Variants in CCDC136 observed in about 807,000 individuals in gnomAD.
CCDC136 encodes the protein coiled-coil domain-containing protein 136.
Under a neutral mutation model 141.2 loss-of-function variants are expected in CCDC136, and 100 were observed. The observed-to-expected ratio is 0.71, with a 90% CI of 0.60 to 0.84. The LOEUF is 0.84. Among genes scored for constraint, CCDC136 ranks in the 40% least tolerant of loss-of-function variants. The probability of loss-of-function intolerance (pLI) is 0.00; values close to 1 mark genes in which losing one functional copy is unlikely to be tolerated. For missense variants in CCDC136, 1,206 were observed against 1,379.4 expected, an observed-to-expected ratio of 0.87 and a Z score of 1.99; for synonymous variants, 474 against 531.9, an observed-to-expected ratio of 0.89 and a Z score of 1.50.
rs574070118 is a variant in CCDC136 at position 128,806,673 on chromosome 7, C to T, written c.1249-15C>T. 4 of 1,604,662 alleles carry T rather than the reference C, an allele frequency of 2.5e-6. No homozygotes were observed. The East Asian group carries it at 6.7e-5, about 27-fold the overall frequency. On this transcript the variant is annotated splice_polypyrimidine_tract_variant and intron_variant, in intron 8 of 17. Coordinates refer to ENST00000297788, the MANE Select transcript of CCDC136 (RefSeq NM_022742.5). Reference sequence around the variant, plus strand: ...AGGAGCCCAAAGGCACTGCCCAAAGCCCCCTCTACCATAGGAGTTACTGTG... The same window carrying T: ...AGGAGCCCAAAGGCACTGCCCAAAGTCCCCTCTACCATAGGAGTTACTGTG...
At chr7:128,791,248 G>A (rs914830392), upstream of CCDC136, among the ~76,000 whole-genome samples, 1 of 151,684 alleles carries the variant, frequency 6.6e-6, no homozygotes, top group South Asian at 2.1e-4. This position sits in a 1 kb window ranked among gnomAD's most constrained non-coding sequence, Gnocchi z 7.1. Context: ...CTCTCTAGGG[G>A]AGAGCCTTGG....
intron 1 of CCDC136, among the ~76,000 whole-genome samples, chr7:128,793,124 A>G (rs1226737057): frequency 6.6e-6 from 1 of 152,270 alleles, no homozygotes; most frequent in Non-Finnish European, 1.5e-5. Flanking sequence ...CTGATATTAG[A>G]TAAAGTAAGA....
Position 128,796,739 on chromosome 7 carries a change from A to ATATATATTTTTT in CCDC136, c.346+1972_346+1973insATATATTTTTTT. 5.3e-5 allele frequency among the ~76,000 whole-genome samples: 6 copies of ATATATATTTTTT among 113,382 alleles called. No individual in the cohort carries two copies. The East Asian group carries it at 1.4e-3, about 27-fold the overall frequency. The allele number at this position is 113,382 out of a possible 152,430, so 74.4% of individuals were successfully genotyped here. A position where few individuals can be genotyped will look rare whatever the true frequency, so the allele number is the denominator to read the frequency against. ...TGATTCAGAATATATATATATATAT[A>ATATATATTTTTT]TTCTTTTTTTTTTTTTTTTTGAGAC... On this transcript the variant is annotated intron_variant, in intron 3 of 17. Coordinates refer to ENST00000297788, the MANE Select transcript of CCDC136 (RefSeq NM_022742.5).
Position 128,792,420 on chromosome 7 carries a change from T to A in CCDC136, c.9T>A (p.Ala3=). 6.2e-7 allele frequency: 1 copy of A among 1,608,464 alleles called. No individual in the cohort carries two copies. The highest frequency in any genetic ancestry group is 1.7e-5 in the Admixed American group (1 of 59,140). MQ[A]MEGEVLLPAL... ...CCCTGGAACGACGGGGGATGCAAGC[T>A]ATGGAGGGTGAGTTTTCCCAAAAGG... The change falls in exon 1 of 18, where the codon GCT becomes GCA. Residue 3 remains alanine, a synonymous_variant. Transcript: ENST00000297788.
Position 128,814,744 on chromosome 7 carries a change from T to A in CCDC136, c.2870T>A (p.Leu957Gln). 1 of 1,613,662 alleles carries A rather than the reference T, an allele frequency of 6.2e-7. No homozygotes were observed. The highest frequency in any genetic ancestry group is 8.5e-7 in the Non-Finnish European group (1 of 1,179,734). The change falls in exon 15 of 18, where the codon CTG (leucine) becomes CAG (glutamine). Residue 957 changes from leucine to glutamine, a missense_variant. Coordinates refer to ENST00000297788, the MANE Select transcript of CCDC136 (RefSeq NM_022742.5). ...GTGCAGGAGCAGCTGGAGGGGCAGC[T>A]GCAGTGCTGCCAGGAGGAGCTCCGC... is the stretch of plus-strand genomic sequence containing the variant. The part of the protein sequence containing the change: ...LVVQEQLEGQ[L>Q]QCCQEELRQL...
rs1806313287 is a variant in CCDC136 at position 128,814,704 on chromosome 7, G to A, written c.2830G>A (p.Gly944Arg). Residue 944 changes from glycine to arginine, a missense_variant, in exon 15 of 18, where the codon GGG becomes AGG. Coordinates refer to ENST00000297788, the MANE Select transcript of CCDC136 (RefSeq NM_022742.5). ...LQYQASMDEQ[G>R]RLLVVQEQLE... ...ATACCAGGCTAGCATGGATGAGCAGGGGCGGCTTCTGGTAGTGCAGGAGCA... is the reference window on the plus strand; with the variant it reads ...ATACCAGGCTAGCATGGATGAGCAGAGGCGGCTTCTGGTAGTGCAGGAGCA... 5 of 1,613,438 alleles carry A rather than the reference G, an allele frequency of 3.1e-6. No individual in the cohort carries two copies. Among genetic ancestry groups the A allele is most frequent in the South Asian group, 2.2e-5 (2 of 90,962 alleles).
chr7:128,795,563 C>T lies in CCDC136; in HGVS notation c.346+795C>T, dbSNP rs79883690. Among the ~76,000 whole-genome samples the T allele has an allele frequency of 2.9e-3, 446 of 151,830 alleles. 2 individuals are homozygous for T. Among genetic ancestry groups the T allele is most frequent in the African/African-American group, 0.01 (420 of 41,358 alleles). On this transcript the variant is annotated intron_variant, in intron 3 of 17. Coordinates refer to ENST00000297788, the MANE Select transcript of CCDC136 (RefSeq NM_022742.5). ...AAGTGGGGAGGAGAGGAGACGGGGACAGAAAATGTAAGCAAAGGTAGATAC... is the reference window on the plus strand; with the variant it reads ...AAGTGGGGAGGAGAGGAGACGGGGATAGAAAATGTAAGCAAAGGTAGATAC...
At chr7:128,813,004 G>C in intron 14 of CCDC136, 75 bp downstream of exon 14, 1 of 965,716 alleles carries the variant, frequency 1.0e-6, no homozygotes, top group South Asian at 1.4e-5. Flanking sequence ...CTTCATAGAG[G>C]CTAAAGAGAG....
At chr7:128,793,127 A>G (rs1004017146) in intron 1 of CCDC136, among the ~76,000 whole-genome samples, 6 of 152,232 alleles carry the variant, frequency 3.9e-5, no homozygotes, top group Non-Finnish European at 7.3e-5. Flanking sequence ...ATATTAGATA[A>G]AGTAAGACCA....
chr7:128,793,960 T>C (rs1562899523), intron 1 of CCDC136, among the ~76,000 whole-genome samples: 1 of 152,184 alleles, frequency 6.6e-6, no homozygotes, highest in Non-Finnish European at 1.5e-5. Context: ...ACTGTAACTG[T>C]TACCCCATTT....
chr7:128,812,660 G>A (rs1279016213), intron 13 of CCDC136, 48 bp from the exon 14 acceptor site: 2 of 1,446,794 alleles, frequency 1.4e-6, no homozygotes, highest in Non-Finnish European at 1.9e-6. Context: ...GTAGGGCGGA[G>A]CTTAGGTGCT....
At chr7:128,812,650 G>A in intron 13 of CCDC136, 58 bp from the exon 14 acceptor site, 1 of 1,352,784 alleles carries the variant, frequency 7.4e-7, no homozygotes, top group Admixed American at 1.9e-5. Context: ...GCCCAGCAGA[G>A]TAGGGCGGAG....
Position 128,793,049 on chromosome 7 carries a change from T to C in CCDC136, c.16+622T>C, listed in dbSNP as rs555651660. Among the ~76,000 whole-genome samples, 8 of 152,366 alleles carry C rather than the reference T, an allele frequency of 5.3e-5. No individual in the cohort carries two copies. In the South Asian group the frequency reaches 6.2e-4, roughly 12 times the overall value. On this transcript the variant is annotated intron_variant, in intron 1 of 17. Coordinates refer to ENST00000297788, the MANE Select transcript of CCDC136 (RefSeq NM_022742.5). ...AGTGTTGCACGTTGCACATTCAGTA[T>C]GGGCAAACCTGCTCCCCCTAAGGGG... is the stretch of plus-strand genomic sequence containing the variant.
rs1212757176 is a variant in CCDC136 at position 128,817,846 on chromosome 7, A to G, written c.3452A>G (p.Glu1151Gly). ...ISALLWCWWA[E>G]TSS ...GCTTTGCTCTGGTGCTGGTGGGCTG[A>G]GACGTCGTCCTAATGCAGGTACTGG... Residue 1151 changes from glutamate to glycine, a missense_variant, in exon 17 of 18, where the codon GAG becomes GGG. Transcript: ENST00000297788. The surrounding 1 kb of genome is among the most constrained non-coding windows in gnomAD (Gnocchi z 4.6). 6.2e-7 allele frequency: 1 copy of G among 1,613,458 alleles called. No individual in the cohort carries two copies. The highest frequency in any genetic ancestry group is 8.5e-7 in the Non-Finnish European group (1 of 1,179,628).
Position 128,821,978 on chromosome 7 carries a change from C to G in CCDC136, c.*185C>G. The G allele has an allele frequency of 7.8e-7, 1 of 1,284,578 alleles. No individual in the cohort carries two copies. The highest frequency in any genetic ancestry group is 1.0e-6 in the Non-Finnish European group (1 of 986,082). The allele number at this position is 1,284,578 out of a possible 1,614,324, so 79.6% of individuals were successfully genotyped here. On this transcript the variant is annotated 3_prime_UTR_variant, in exon 18 of 18. Transcript: ENST00000297788. The surrounding 1 kb of genome is among the most constrained non-coding windows in gnomAD (Gnocchi z 5.1). Reference sequence around the variant, plus strand: ...CACCCTCAGCTTTGGGCAGGACACACTGTGCCAGAACCCTCCCCATATGTT... The same window carrying G: ...CACCCTCAGCTTTGGGCAGGACACAGTGTGCCAGAACCCTCCCCATATGTT...
chr7:128,796,739 ATTCT>A (rs1485159297), intron 3 of CCDC136, among the ~76,000 whole-genome samples: 22 of 113,374 alleles, frequency 1.9e-4, no homozygotes, highest in African/African-American at 8.7e-4. Flanking sequence ...ATATATATAT[ATTCT>A]TTTTTTTTTT....
At position 128,814,939 on chromosome 7, in the gene CCDC136, G is replaced by A. The variant is rs770211657; in HGVS notation, c.3045+20G>A. 3.3e-5 allele frequency: 51 copies of A among 1,542,308 alleles called. No homozygotes were observed. In the East Asian group the frequency reaches 1.1e-3, roughly 33 times the overall value. ...AGAAAGGTGAGTAGTAACCTTGGTA[G>A]CCAGATAAGCAGAAAGGAGGAGGAG... is the stretch of plus-strand genomic sequence containing the variant. On this transcript the variant is annotated intron_variant, in intron 15 of 17. Transcript: ENST00000297788.
rs780212669 is a variant in CCDC136 at position 128,812,233 on chromosome 7, C to T, written c.2462C>T (p.Thr821Ile). ...SITYKKSYGS[T>I]SSSDTCQKSF... ...ACCTATAAGAAGAGTTACGGCAGCA[C>T]CAGTAGCTCTGACACCTGCCAGAAG... Residue 821 changes from threonine to isoleucine, a missense_variant, in exon 13 of 18, where the codon ACC (threonine) becomes ATC (isoleucine). Transcript: ENST00000297788. The T allele has an allele frequency of 8.7e-6, 14 of 1,613,742 alleles. No homozygotes were observed. In the South Asian group the frequency reaches 1.4e-4, roughly 16 times the overall value.
At position 128,794,415 on chromosome 7, in the gene CCDC136, A is replaced by G; in HGVS notation, c.84A>G (p.Glu28=). 1.9e-6 allele frequency: 3 copies of G among 1,550,286 alleles called. No homozygotes were observed. Among genetic ancestry groups the G allele is most frequent in the Non-Finnish European group, 1.7e-6 (2 of 1,144,996 alleles). Reference sequence around the variant, plus strand: ...AGGAAGAGGAGGAAGAAGAGGTGGAAGAAGAAGAAGAACAAGTGCAGAAAG... The same window carrying G: ...AGGAAGAGGAGGAAGAAGAGGTGGAGGAAGAAGAAGAACAAGTGCAGAAAG... ...EEEEEEEEEV[E]EEEEQVQKGG... The change falls in exon 2 of 18, where the codon GAA becomes GAG. Residue 28 remains glutamate, a synonymous_variant. Coordinates refer to ENST00000297788, the MANE Select transcript of CCDC136 (RefSeq NM_022742.5). The surrounding 1 kb of genome is among the most constrained non-coding windows in gnomAD (Gnocchi z 4.3).
Sources: allele counts gnomAD v4.1 joint callset (sites outside exome capture counted in the v4.1 genomes callset), GRCh38; gene constraint gnomAD v4.1.1; non-coding constraint Gnocchi (gnomAD v3.1); transcripts MANE v1.5; gene names NCBI Gene and HGNC (gene_info 2026-07-23, HGNC 2026-07-21).